XYLT1: variants seen among roughly 807,000 people sequenced by gnomAD.
XYLT1 encodes beta-D-xylosyltransferase 1.
A neutral mutation model predicts 91.3 loss-of-function variants in XYLT1; 36 were observed. The observed-to-expected ratio is 0.39, with a 90% CI of 0.30 to 0.52. The LOEUF (loss-of-function observed/expected upper bound fraction) is 0.52, where lower values mean the gene tolerates loss of function less well. XYLT1 is among the 20% of genes least tolerant of loss of function. The pLI is 0.68. For synonymous variants in XYLT1, 588 were observed against 532.0 expected (o/e 1.11, Z -1.45); for missense variants, 1,242 against 1,284.5 (o/e 0.97, Z 0.51).
At chr16:17,142,124 C>G (rs2030995786) in intron 6 of XYLT1, among the ~76,000 whole-genome samples, 1 of 152,140 alleles carries the variant, frequency 6.6e-6, no homozygotes, top group Non-Finnish European at 1.5e-5. Flanking sequence ...CTAGACTGGT[C>G]TTGAACTTCT....
chr16:17,382,327 C>T (rs1036324670), intron 1 of XYLT1, among the ~76,000 whole-genome samples: 8 of 151,864 alleles, frequency 5.3e-5, no homozygotes, highest in Non-Finnish European at 1.2e-4. Context: ...CAAGGCACTG[C>T]TGCCCCATAA....
intron 5 of XYLT1, among the ~76,000 whole-genome samples, chr16:17,168,795 G>A (rs1361514935): frequency 4.6e-5 from 7 of 151,994 alleles, no homozygotes; most frequent in East Asian, 1.9e-4. Context: ...TCTTTACCTC[G>A]TCCTCCAGGA....
chr16:17,364,165 T>C (rs1048251539), intron 1 of XYLT1, among the ~76,000 whole-genome samples: 1 of 152,212 alleles, frequency 6.6e-6, no homozygotes, highest in African/African-American at 2.4e-5. Context: ...CTAGCACCAC[T>C]TGCGACCTTG....
chr16:17,244,834 A>G (rs750612952), intron 3 of XYLT1, among the ~76,000 whole-genome samples: 6 of 152,220 alleles, frequency 3.9e-5, no homozygotes, highest in Non-Finnish European at 8.8e-5. Context: ...GTCAGCTACT[A>G]TAAAGAAATA....
chr16:17,454,081 C>T lies in XYLT1; in HGVS notation c.363+16353G>A, dbSNP rs924401570. On this transcript the variant is annotated intron_variant, in intron 1 of 11. Transcript: ENST00000261381. Reference sequence around the variant, plus strand: ...AAGTATTACTGTGCTTTACTTCCTACTCTGAAAGGTAAGACTTCCAAATTA... The same window carrying T: ...AAGTATTACTGTGCTTTACTTCCTATTCTGAAAGGTAAGACTTCCAAATTA... 2.6e-5 allele frequency among the ~76,000 whole-genome samples: 4 copies of T among 152,306 alleles called. No individual in the cohort carries two copies. In the East Asian group the frequency reaches 7.7e-4, roughly 29 times the overall value.
chr16:17,256,826 A>G (rs956938113), intron 3 of XYLT1, among the ~76,000 whole-genome samples: 1 of 152,214 alleles, frequency 6.6e-6, no homozygotes, highest in Non-Finnish European at 1.5e-5. Flanking sequence ...TGGCTCCCGG[A>G]TGCACCGATG....
intron 5 of XYLT1, among the ~76,000 whole-genome samples, chr16:17,197,618 C>T (rs1397011767): frequency 1.3e-5 from 2 of 152,094 alleles, no homozygotes; most frequent in Admixed American, 6.5e-5. Flanking sequence ...CAGCTGCCAG[C>T]GTGGCCAGAA....
At chr16:17,266,364 GTA>G (rs2033804329) in intron 2 of XYLT1, among the ~76,000 whole-genome samples, 1 of 152,168 alleles carries the variant, frequency 6.6e-6, no homozygotes, top group South Asian at 2.1e-4. Flanking sequence ...TAAGAAACAC[GTA>G]TGTCTTAGGT....
At chr16:17,372,531 G>C (rs2035549241) in intron 1 of XYLT1, among the ~76,000 whole-genome samples, 1 of 152,218 alleles carries the variant, frequency 6.6e-6, no homozygotes, top group African/African-American at 2.4e-5. Context: ...CAATGCTAAT[G>C]TTCAAGAACA....
In XYLT1 at chr16:17,200,570, A is replaced by G. The variant is rs770683987; in HGVS notation, c.998T>C (p.Val333Ala). ...CTGCCGAGAGGCACGGCCGTGGACCACCAGGACAAAGGCGATTCTGACCGG... is the reference window on the plus strand; with the variant it reads ...CTGCCGAGAGGCACGGCCGTGGACCGCCAGGACAAAGGCGATTCTGACCGG... ...ANPVRIAFVL[V>A]VHGRASRQLQ... The change falls in exon 4 of 12, where the codon GTG becomes GCG. Residue 333 changes from valine to alanine, a missense_variant. Around this residue, in one of 3 missense-constraint regions of XYLT1, gnomAD observed 294 missense variants for 376.0 expected, o/e 0.78. Transcript: ENST00000261381. The G allele has an allele frequency of 6.2e-7, 1 of 1,614,226 alleles. No individual in the cohort carries two copies. The highest frequency in any genetic ancestry group is 1.1e-5 in the South Asian group (1 of 91,086).
chr16:17,438,795 A>C (rs2036495083), intron 1 of XYLT1, among the ~76,000 whole-genome samples: 1 of 151,994 alleles, frequency 6.6e-6, no homozygotes, highest in Admixed American at 6.6e-5. Context: ...ATGAGAACTC[A>C]CTCATTATCA....
At chr16:17,338,493 A>C (rs569302887) in intron 2 of XYLT1, 1 of 456,536 alleles carries the variant, frequency 2.2e-6, no homozygotes, top group African/African-American at 2.0e-5. Flanking sequence ...ATAAAGGAAG[A>C]GGAGCCTTGT....
At chr16:17,341,851 C>T (rs1276322597) in intron 2 of XYLT1, among the ~76,000 whole-genome samples, 9 of 152,178 alleles carry the variant, frequency 5.9e-5, no homozygotes, top group East Asian at 1.9e-4. Flanking sequence ...TTTGTGTACA[C>T]GGAGTAGGTA....
chr16:17,439,737 C>A (rs1056556441), intron 1 of XYLT1, among the ~76,000 whole-genome samples: 2 of 152,172 alleles, frequency 1.3e-5, no homozygotes, highest in Non-Finnish European at 2.9e-5. Flanking sequence ...GATGTGCTAA[C>A]AACAAACCGA....
chr16:17,431,136 C>T (rs2036384794), intron 1 of XYLT1, among the ~76,000 whole-genome samples: 1 of 152,174 alleles, frequency 6.6e-6, no homozygotes, highest in Admixed American at 6.5e-5. Context: ...CAGTGGAATG[C>T]TGAGTAGCCA....
At chr16:17,271,956 G>C (rs1317362197) in intron 2 of XYLT1, among the ~76,000 whole-genome samples, 19 of 152,122 alleles carry the variant, frequency 1.2e-4, no homozygotes, top group Admixed American at 1.2e-3. Flanking sequence ...AGTTAACCAA[G>C]GAAGGGTATT....
chr16:17,225,744 A>G (rs998962886), intron 3 of XYLT1, among the ~76,000 whole-genome samples: 2 of 152,218 alleles, frequency 1.3e-5, no homozygotes, highest in African/African-American at 4.8e-5. Flanking sequence ...AGGCTTAAAA[A>G]GATTACTCAG....
chr16:17,133,982 TCTGGGATTGA>T (rs1471058037), intron 9 of XYLT1, among the ~76,000 whole-genome samples: 1 of 152,170 alleles, frequency 6.6e-6, no homozygotes, highest in Non-Finnish European at 1.5e-5. Context: ...TGATAGGATG[TCTGGGATTGA>T]CTTCAAACTG....
chr16:17,179,693 C>T (rs529303795), intron 5 of XYLT1, among the ~76,000 whole-genome samples: 1 of 152,372 alleles, frequency 6.6e-6, no homozygotes, highest in East Asian at 1.9e-4. Flanking sequence ...TGCCAAATGA[C>T]TGAAGAGCCA....
Sources: allele counts gnomAD v4.1 joint callset (sites outside exome capture counted in the v4.1 genomes callset), GRCh38; gene constraint gnomAD v4.1.1; regional missense constraint gnomAD v4.1.1; transcripts MANE v1.5; gene names NCBI Gene and HGNC (gene_info 2026-07-23, HGNC 2026-07-21).